The following ESR1 variants were observed in gnomAD, a reference collection of about 807,000 sequenced individuals.
The protein encoded by ESR1 is estrogen receptor 1, also known as estrogen receptor.
A neutral mutation model predicts 52.7 loss-of-function variants in ESR1; 12 were observed. That is an observed-to-expected ratio of 0.23 (90% confidence interval 0.15 to 0.37). The LOEUF is 0.37. ESR1 is among the 10% of genes least tolerant of loss of function. The pLI is 1.00. For missense variants in ESR1, 584 were observed against 779.7 expected (o/e 0.75, Z 2.99); for synonymous variants, 305 against 316.8 (o/e 0.96, Z 0.39).
intron 1 of ESR1, among the ~76,000 whole-genome samples, chr6:151,701,308 C>T (rs577147193): frequency 2.9e-4 from 44 of 151,060 alleles, no homozygotes; most frequent in Non-Finnish European, 4.9e-4. Context: ...GGTGGATCAC[C>T]GGAGGTCAGG....
intron 5 of ESR1, among the ~76,000 whole-genome samples, chr6:152,023,649 C>T (rs1235692328): frequency 3.9e-5 from 6 of 152,202 alleles, no homozygotes; most frequent in Non-Finnish European, 8.8e-5. Flanking sequence ...AGAGTCCAAA[C>T]AAGTTCCATA....
intron 1 of ESR1, among the ~76,000 whole-genome samples, chr6:151,694,113 C>A (rs894306237): frequency 6.6e-6 from 1 of 152,140 alleles, no homozygotes; most frequent in African/African-American, 2.4e-5. Context: ...AGGTGGTGAA[C>A]AACGTTATGA....
At chr6:151,877,130 C>CT (rs1791976379) in intron 2 of ESR1, among the ~76,000 whole-genome samples, 1 of 151,132 alleles carries the variant, frequency 6.6e-6, no homozygotes, top group Non-Finnish European at 1.5e-5. Context: ...TTTTATTATA[C>CT]TTTAAGTTTT....
chr6:152,013,620 C>A (rs1430686688), intron 5 of ESR1, among the ~76,000 whole-genome samples: 1 of 151,996 alleles, frequency 6.6e-6, no homozygotes, highest in Non-Finnish European at 1.5e-5. Context: ...AGGTTTTTGA[C>A]ATTACTGCAC....
chr6:151,857,360 A>G (rs1457612228), intron 2 of ESR1, among the ~76,000 whole-genome samples: 1 of 152,020 alleles, frequency 6.6e-6, no homozygotes, highest in Non-Finnish European at 1.5e-5. Context: ...ATGTCATTTT[A>G]TATAAGGGAC....
intron 4 of ESR1, 54 bp from the exon 5 acceptor site, chr6:152,011,602 C>T (rs1310509363): frequency 6.2e-7 from 1 of 1,607,482 alleles, no homozygotes; most frequent in African/African-American, 1.3e-5. Context: ...TTAATTTCAC[C>T]AGTAATGAGT....
intron 2 of ESR1, among the ~76,000 whole-genome samples, chr6:151,878,711 A>G (rs1263907358): frequency 2.6e-5 from 4 of 152,226 alleles, no homozygotes; most frequent in Non-Finnish European, 4.4e-5. Flanking sequence ...GAGAATGAGA[A>G]CCATGTTTTA....
chr6:152,038,636 CTT>C (rs201087499), intron 5 of ESR1, among the ~76,000 whole-genome samples: 1 of 148,388 alleles, frequency 6.7e-6, no homozygotes, highest in Non-Finnish European at 1.5e-5. Flanking sequence ...TCAATAAATA[CTT>C]TTTTTTTTTA....
chr6:152,007,056 T>C (rs1349544786), intron 4 of ESR1, among the ~76,000 whole-genome samples: 1 of 152,074 alleles, frequency 6.6e-6, no homozygotes, highest in Non-Finnish European at 1.5e-5. Context: ...TCCAAGGTAG[T>C]GTGGAACTTT....
At chr6:151,941,408 GA>G in intron 3 of ESR1, among the ~76,000 whole-genome samples, 1 of 152,214 alleles carries the variant, frequency 6.6e-6, no homozygotes, top group East Asian at 1.9e-4. Context: ...GTCCTCACAC[GA>G]AGTAGGGAAA....
At chr6:152,085,332 CAAAACAAAAA>C (rs1009353055) in intron 6 of ESR1, among the ~76,000 whole-genome samples, 1 of 151,622 alleles carries the variant, frequency 6.6e-6, no homozygotes, top group African/African-American at 2.4e-5. Context: ...CAAAACAAAA[CAAAACAAAAA>C]GAAAAAAAGA....
chr6:151,732,533 T>TG (rs1491483800), intron 2 of ESR1, among the ~76,000 whole-genome samples: 5 of 143,846 alleles, frequency 3.5e-5, no homozygotes, highest in Middle Eastern at 3.4e-3. Context: ...TGTGTGTGTG[T>TG]TTGTGTGTGT....
chr6:151,890,813 C>T (rs1224172619), intron 3 of ESR1, among the ~76,000 whole-genome samples: 1 of 152,088 alleles, frequency 6.6e-6, no homozygotes, highest in Non-Finnish European at 1.5e-5. Flanking sequence ...TCTCTGCTTT[C>T]TTTTGGCTTC....
Position 152,102,292 on chromosome 6 carries a change from T to C in ESR1, c.*3326T>C, listed in dbSNP as rs1461350763. 1 of 207,426 alleles carries C rather than the reference T, an allele frequency of 4.8e-6. No homozygotes were observed. Among genetic ancestry groups the C allele is most frequent in the Non-Finnish European group, 9.8e-6 (1 of 101,524 alleles). 12.8% of individuals were successfully genotyped at this position (207,426 alleles called of 1,614,324 possible). A position where few individuals can be genotyped will look rare whatever the true frequency, so the allele number is the denominator to read the frequency against. Reference sequence around the variant, plus strand: ...GATTTAGGCCACTGGCTTAGAGTACTCCTTCCCCTGCATGACACTGATTAC... The same window carrying C: ...GATTTAGGCCACTGGCTTAGAGTACCCCTTCCCCTGCATGACACTGATTAC... On this transcript the variant is annotated 3_prime_UTR_variant, in exon 8 of 8. Transcript: ENST00000206249.
intron 1 of ESR1, 27 bp from the exon 2 acceptor site, chr6:151,842,570 A>T (rs2128233988): frequency 6.2e-7 from 1 of 1,605,858 alleles, no homozygotes; most frequent in Non-Finnish European, 8.5e-7. Flanking sequence ...TCTAATGTTA[A>T]TGGATTTACT....
intron 3 of ESR1, among the ~76,000 whole-genome samples, chr6:151,925,821 T>C (rs892088552): frequency 2.0e-5 from 3 of 152,124 alleles, no homozygotes; most frequent in Non-Finnish European, 4.4e-5. Context: ...GCCCAATTTA[T>C]TAATTTTTTT....
At chr6:151,696,618 G>C (rs1779370327) in intron 1 of ESR1, among the ~76,000 whole-genome samples, 1 of 152,142 alleles carries the variant, frequency 6.6e-6, no homozygotes, top group Non-Finnish European at 1.5e-5. Flanking sequence ...TAATTGTAGA[G>C]TGAGATTGAG....
intron 6 of ESR1, chr6:152,122,296 CAT>C (rs2051573689): frequency 1.5e-6 from 2 of 1,339,528 alleles, no homozygotes; most frequent in South Asian, 2.4e-5. Context: ...AATTTGCACA[CAT>C]GTGATCTGGA....
chr6:152,020,691 T>A (rs182029601), intron 5 of ESR1, among the ~76,000 whole-genome samples: 6 of 152,288 alleles, frequency 3.9e-5, no homozygotes, highest in Admixed American at 3.9e-4. Context: ...CCTCAAGTGA[T>A]CTACCCGCCT....
Sources: allele counts gnomAD v4.1 joint callset (sites outside exome capture counted in the v4.1 genomes callset), GRCh38; gene constraint gnomAD v4.1.1; transcripts MANE v1.5; gene names NCBI Gene and HGNC (gene_info 2026-07-23, HGNC 2026-07-21).